Variants in RGSL1 observed in about 807,000 individuals in gnomAD.
The protein encoded by RGSL1 is regulator of G protein signaling protein-like.
Under a neutral mutation model 124.7 loss-of-function variants are expected in RGSL1, and 97 were observed. The ratio of observed to expected loss-of-function variants is 0.78; its 90% confidence interval spans 0.66 to 0.92. The LOEUF (loss-of-function observed/expected upper bound fraction) is 0.92. RGSL1 is among the 40% of genes least tolerant of loss of function. The pLI is 0.00. For synonymous variants in RGSL1, 424 were observed against 438.1 expected (o/e 0.97, Z 0.40); for missense variants, 1,233 against 1,288.4 (o/e 0.96, Z 0.66).
chr1:182,479,834 A>G (rs1243583003), intron 6 of RGSL1, among the ~76,000 whole-genome samples: 1 of 152,246 alleles, frequency 6.6e-6, no homozygotes, highest in African/African-American at 2.4e-5. Flanking sequence ...ATATTTGGCT[A>G]TACTAAATCA....
chr1:182,455,133 T>C (rs1156497077), intron 2 of RGSL1, among the ~76,000 whole-genome samples: 1 of 152,088 alleles, frequency 6.6e-6, no homozygotes, highest in Non-Finnish European at 1.5e-5. Flanking sequence ...TGACAGAAGT[T>C]TTTAGGAGGC....
intron 4 of RGSL1, among the ~76,000 whole-genome samples, chr1:182,465,076 T>TATAATA (rs564826222): frequency 6.6e-6 from 1 of 151,510 alleles, no homozygotes. Flanking sequence ...GACCCTATCT[T>TATAATA]ATAATAATAA....
intron 4 of RGSL1, among the ~76,000 whole-genome samples, chr1:182,463,821 AG>A (rs1227403295): frequency 6.6e-6 from 1 of 152,238 alleles, no homozygotes; most frequent in African/African-American, 2.4e-5. Context: ...GACAGAAGAT[AG>A]GTTAGGAAAT....
At chr1:182,543,116 C>T (rs1176484609) in intron 15 of RGSL1, among the ~76,000 whole-genome samples, 1 of 152,106 alleles carries the variant, frequency 6.6e-6, no homozygotes, top group East Asian at 1.9e-4. Flanking sequence ...AGTGGGCATC[C>T]TTGACTTCTT....
intron 10 of RGSL1, among the ~76,000 whole-genome samples, chr1:182,526,570 G>A (rs1400534767): frequency 6.6e-6 from 1 of 152,082 alleles, no homozygotes; most frequent in Non-Finnish European, 1.5e-5. Flanking sequence ...GCTACTTGGG[G>A]GCTAAGCAGG....
At chr1:182,497,296 T>C (rs1655995294) in intron 9 of RGSL1, among the ~76,000 whole-genome samples, 1 of 149,440 alleles carries the variant, frequency 6.7e-6, no homozygotes, top group Non-Finnish European at 1.5e-5. Context: ...TGTGTGTGTG[T>C]CTGTGTATCT....
intron 4 of RGSL1, among the ~76,000 whole-genome samples, chr1:182,468,942 C>T (rs1414499464): frequency 1.3e-5 from 2 of 152,008 alleles, no homozygotes; most frequent in Admixed American, 6.6e-5. Context: ...TTTCAACAAA[C>T]AGTCCTGGGT....
intron 9 of RGSL1, among the ~76,000 whole-genome samples, chr1:182,514,217 C>A (rs1657687468): frequency 6.6e-6 from 1 of 152,146 alleles, no homozygotes; most frequent in Non-Finnish European, 1.5e-5. Context: ...CATTAAATCC[C>A]TGGTCTATCA....
intron 9 of RGSL1, among the ~76,000 whole-genome samples, chr1:182,505,763 TG>T (rs1656765019): frequency 6.6e-6 from 1 of 152,206 alleles, no homozygotes; most frequent in South Asian, 2.1e-4. Flanking sequence ...GATGCACTTA[TG>T]TTTTCTGATG....
chr1:182,464,120 AC>A (rs1653076044), intron 4 of RGSL1, among the ~76,000 whole-genome samples: 1 of 152,250 alleles, frequency 6.6e-6, no homozygotes, highest in Non-Finnish European at 1.5e-5. Context: ...AGAAAAAATT[AC>A]AAGGGAAATT....
At chr1:182,540,077 T>C (rs985107977) in intron 14 of RGSL1, among the ~76,000 whole-genome samples, 170 bp from the exon 15 acceptor site, 2 of 152,232 alleles carry the variant, frequency 1.3e-5, no homozygotes, top group African/African-American at 4.8e-5. Context: ...TCTGAGTAGA[T>C]GACTTTTTCA....
intron 20 of RGSL1, 166 bp downstream of exon 20, chr1:182,554,859 T>C (rs758627144): frequency 1.4e-5 from 9 of 660,978 alleles, no homozygotes; most frequent in African/African-American, 3.6e-5. Flanking sequence ...GTTAAAGAGG[T>C]GTTTCTCTGT....
At chr1:182,449,053 T>C (rs1651638431), upstream of RGSL1, among the ~76,000 whole-genome samples, 1 of 152,208 alleles carries the variant, frequency 6.6e-6, no homozygotes, top group African/African-American at 2.4e-5. Flanking sequence ...AGGAATAATA[T>C]GATATTGTAG....
intron 15 of RGSL1, among the ~76,000 whole-genome samples, chr1:182,542,397 T>C (rs1211822602): frequency 6.6e-6 from 1 of 152,164 alleles, no homozygotes; most frequent in African/African-American, 2.4e-5. Context: ...TATATCTGAA[T>C]TGTCTATTCT....
In RGSL1 at chr1:182,473,689, A is replaced by G. The variant is rs1360178068; in HGVS notation, c.578A>G (p.Asn193Ser). The change falls in exon 6 of 22, where the codon AAC becomes AGC. Residue 193 changes from asparagine (N) to serine (S), a missense_variant. By Grantham distance (46) the Asn-to-Ser change is conservative. Transcript: ENST00000294854. ...AAACTCCAGAGCTATTGGCTTCCCA[A>G]CTTTTACACCCACACCAAGATGACC... is the stretch of plus-strand genomic sequence containing the variant. Reference protein sequence around the residue: ...LFKLQSYWLPNFYTHTKMTMA... With the variant: ...LFKLQSYWLPSFYTHTKMTMA... 6.4e-7 allele frequency: 1 copy of G among 1,551,460 alleles called. No homozygotes were observed. Among genetic ancestry groups the G allele is most frequent in the African/African-American group, 1.4e-5 (1 of 73,010 alleles).
At chr1:182,483,222 T>A (rs755795905) in intron 6 of RGSL1, among the ~76,000 whole-genome samples, 17 of 151,846 alleles carry the variant, frequency 1.1e-4, no homozygotes, top group African/African-American at 4.1e-4. Flanking sequence ...TAAAATTCAC[T>A]GAGAGAATAG....
chr1:182,556,707 TC>T (rs1211575713), intron 21 of RGSL1, among the ~76,000 whole-genome samples: 1 of 152,200 alleles, frequency 6.6e-6, no homozygotes, highest in Non-Finnish European at 1.5e-5. Flanking sequence ...GAATAGTTCT[TC>T]CCGAGAGTTC....
rs181017810 is a variant in RGSL1 at position 182,476,139 on chromosome 1, G to A, written c.1431+1597G>A. 1.5e-3 allele frequency among the ~76,000 whole-genome samples: 234 copies of A among 152,264 alleles called. 2 individuals carry two copies. Among genetic ancestry groups the A allele is most frequent in the Middle Eastern group, 3.4e-3 (1 of 294 alleles). Reference sequence around the variant, plus strand: ...AGTGAGGTAATTTCAGAATAGATCAGTCTAGTGGATCCACAACCAAAGTTC... The same window carrying A: ...AGTGAGGTAATTTCAGAATAGATCAATCTAGTGGATCCACAACCAAAGTTC... On this transcript the variant is annotated intron_variant, in intron 6 of 21. Coordinates refer to ENST00000294854, the MANE Select transcript of RGSL1 (RefSeq NM_001137669.2).
At chr1:182,521,819 T>A (rs143570727) in intron 9 of RGSL1, among the ~76,000 whole-genome samples, 185 bp from the exon 10 acceptor site, 1 of 152,190 alleles carries the variant, frequency 6.6e-6, no homozygotes. Context: ...CTGATGTTCA[T>A]GTCAGGGGTA....
Sources: gnomAD v4.1 joint callset for allele counts (sites outside exome capture counted in the v4.1 genomes callset) on GRCh38, gnomAD v4.1.1 for gene constraint, MANE v1.5 for transcripts, NCBI Gene and HGNC (gene_info 2026-07-23, HGNC 2026-07-21) for gene names.